The following SH3RF3 variants were observed in gnomAD, a reference collection of about 807,000 sequenced individuals.
SH3RF3 encodes SH3 domain containing ring finger 3, also known as E3 ubiquitin-protein ligase SH3RF3.
A neutral mutation model predicts 66.3 loss-of-function variants in SH3RF3; 29 were observed. That is an observed-to-expected ratio of 0.44 (90% CI 0.33 to 0.60). SH3RF3 has a LOEUF of 0.60. SH3RF3 is among the 20% of genes least tolerant of loss of function. The pLI is 0.04. For missense variants in SH3RF3, 1,194 were observed against 1,190.9 expected (o/e 1.00, Z -0.04); for synonymous variants, 583 against 532.0 (o/e 1.10, Z -1.32).
At chr2:109,240,908 C>G (rs926355385) in intron 1 of SH3RF3, among the ~76,000 whole-genome samples, 2 of 147,782 alleles carry the variant, frequency 1.4e-5, no homozygotes, top group Non-Finnish European at 3.0e-5. Flanking sequence ...CTGTCTTGCT[C>G]CCCGCTTCTT....
At chr2:109,346,258 G>T (rs1361749887) in intron 1 of SH3RF3, among the ~76,000 whole-genome samples, 1 of 152,100 alleles carries the variant, frequency 6.6e-6, no homozygotes, top group Non-Finnish European at 1.5e-5. Context: ...GTGGCTGTTT[G>T]TCAATTTGCC....
chr2:109,226,338 G>T (rs1377221801), intron 1 of SH3RF3, among the ~76,000 whole-genome samples: 1 of 152,128 alleles, frequency 6.6e-6, no homozygotes, highest in Non-Finnish European at 1.5e-5. Context: ...CTGTTTCAAA[G>T]CTAAAGTCAC....
chr2:109,198,873 G>A (rs1678570339), intron 1 of SH3RF3, among the ~76,000 whole-genome samples: 1 of 152,192 alleles, frequency 6.6e-6, no homozygotes, highest in Non-Finnish European at 1.5e-5. Context: ...ACTGAACACC[G>A]TAGGCAGTTG....
At chr2:109,175,849 TG>T (rs1677902084) in intron 1 of SH3RF3, among the ~76,000 whole-genome samples, 1 of 152,226 alleles carries the variant, frequency 6.6e-6, no homozygotes, top group Admixed American at 6.5e-5. Flanking sequence ...TTTTTAAACA[TG>T]TCTTTTAGTT....
chr2:109,353,840 T>G (rs923746372), intron 2 of SH3RF3, among the ~76,000 whole-genome samples: 5 of 152,164 alleles, frequency 3.3e-5, no homozygotes, highest in Non-Finnish European at 7.4e-5. Context: ...GGGTGTGATC[T>G]CTGACATCTC....
rs1475678257 is a variant in SH3RF3, at chr2:109,419,586, T to G, written c.1347T>G (p.Ala449=). The G allele has an allele frequency of 6.3e-7, 1 of 1,597,920 alleles. No individual in the cohort carries two copies. Among genetic ancestry groups the G allele is most frequent in the Admixed American group, 1.7e-5 (1 of 57,864 alleles). Residue 449 remains alanine (A), a synonymous_variant, in exon 5 of 10, where the codon GCT becomes GCG. Transcript: ENST00000309415. ...CTACCCCCACGGCTGTCCCACGGGC[T>G]GCCTCGGTGTCTGGAGAGCAGGGCA... ...AGSTPTAVPR[A]ASVSGEQGTP... is the part of the protein sequence containing the mutation.
intron 7 of SH3RF3, among the ~76,000 whole-genome samples, chr2:109,442,810 A>G (rs1292043027): frequency 1.3e-5 from 2 of 152,272 alleles, no homozygotes; most frequent in Non-Finnish European, 2.9e-5. Context: ...TACATGGGTC[A>G]AAGAGAAAAC....
At position 109,129,472 on chromosome 2, in the gene SH3RF3, C is replaced by A. The variant is rs1053844694; in HGVS notation, c.-69C>A. On this transcript the variant is annotated 5_prime_UTR_variant, in exon 1 of 10. Coordinates refer to ENST00000309415, the MANE Select transcript of SH3RF3 (RefSeq NM_001099289.3). ...GGCTCCCCAGTCCTGATGCTGGCTG[C>A]CGGTGGCGGGCTCCACGCCGGCCCC... The A allele has an allele frequency of 6.7e-7, 1 of 1,495,182 alleles. No individual in the cohort carries two copies. Among genetic ancestry groups the A allele is most frequent in the Admixed American group, 2.1e-5 (1 of 47,848 alleles). The allele number at this position is 1,495,182 out of a possible 1,614,324, so 92.6% of individuals were successfully genotyped here. A position where few individuals can be genotyped will look rare whatever the true frequency, so the allele number is the denominator to read the frequency against.
At chr2:109,194,743 G>C (rs376941187) in intron 1 of SH3RF3, among the ~76,000 whole-genome samples, 33 of 152,338 alleles carry the variant, frequency 2.2e-4, no homozygotes, top group Middle Eastern at 3.4e-3. Flanking sequence ...GGCCGGGGAT[G>C]CTTCCAATCC....
intron 4 of SH3RF3, among the ~76,000 whole-genome samples, chr2:109,400,705 T>C (rs1226207458): frequency 1.3e-5 from 2 of 152,078 alleles, no homozygotes; most frequent in Admixed American, 1.3e-4. Context: ...TGCACGCATA[T>C]GTGTGCACAC....
chr2:109,232,694 A>G (rs1679542200), intron 1 of SH3RF3, among the ~76,000 whole-genome samples: 1 of 152,160 alleles, frequency 6.6e-6, no homozygotes, highest in East Asian at 1.9e-4. Flanking sequence ...CAAAGCAAAG[A>G]TGAGTGGATA....
intron 1 of SH3RF3, among the ~76,000 whole-genome samples, chr2:109,150,177 A>G (rs1677197267): frequency 1.3e-5 from 2 of 152,206 alleles, no homozygotes; most frequent in Non-Finnish European, 2.9e-5. Flanking sequence ...GAATCCTGCC[A>G]GATCTGCACC....
intron 1 of SH3RF3, among the ~76,000 whole-genome samples, chr2:109,281,718 C>T (rs892430017): frequency 3.9e-5 from 6 of 152,158 alleles, no homozygotes; most frequent in Non-Finnish European, 8.8e-5. Context: ...GAGTCCGTAT[C>T]TGATTTCCAT....
intron 3 of SH3RF3, among the ~76,000 whole-genome samples, chr2:109,382,993 T>C (rs528595812): frequency 2.4e-4 from 36 of 152,282 alleles, no homozygotes; most frequent in African/African-American, 8.2e-4. Context: ...GACTTGAGAG[T>C]GTGTCTGAAC....
intron 8 of SH3RF3, among the ~76,000 whole-genome samples, chr2:109,474,283 G>A (rs977837855): frequency 2.6e-5 from 4 of 152,198 alleles, no homozygotes; most frequent in Non-Finnish European, 5.9e-5. Flanking sequence ...AAGAGCTGAA[G>A]TTTTGAGCCG....
chr2:109,336,752 G>A (rs1279576637), intron 1 of SH3RF3, among the ~76,000 whole-genome samples: 2 of 152,204 alleles, frequency 1.3e-5, no homozygotes, highest in African/African-American at 4.8e-5. Flanking sequence ...CCATTACAAA[G>A]TTGGCAAAGC....
At chr2:109,323,546 G>A (rs1163248518) in intron 1 of SH3RF3, among the ~76,000 whole-genome samples, 1 of 152,220 alleles carries the variant, frequency 6.6e-6, no homozygotes, top group African/African-American at 2.4e-5. Flanking sequence ...AGTGGTAGAT[G>A]GGGCATAAGT....
intron 1 of SH3RF3, among the ~76,000 whole-genome samples, chr2:109,280,844 TC>T (rs1271024298): frequency 6.6e-6 from 1 of 152,214 alleles, no homozygotes; most frequent in Admixed American, 6.5e-5. Context: ...CTGTTTTATG[TC>T]CGTTGCACAT....
intron 1 of SH3RF3, among the ~76,000 whole-genome samples, chr2:109,210,858 G>A (rs572757428): frequency 6.6e-6 from 1 of 152,344 alleles, no homozygotes; most frequent in Non-Finnish European, 1.5e-5. Flanking sequence ...TTACAACCTA[G>A]GTGAGAAATC....
Sources: allele counts gnomAD v4.1 joint callset (sites outside exome capture counted in the v4.1 genomes callset), GRCh38; gene constraint gnomAD v4.1.1; transcripts MANE v1.5; gene names NCBI Gene and HGNC (gene_info 2026-07-23, HGNC 2026-07-21).